Variants in TAB3 observed in about 807,000 individuals in gnomAD.
TAB3 encodes TGF-beta-activated kinase 1 and MAP3K7-binding protein 3.
Under a neutral mutation model 48.1 loss-of-function variants are expected in TAB3, and 18 were observed. The observed-to-expected ratio is 0.37, with a 90% CI of 0.26 to 0.55. The LOEUF (loss-of-function observed/expected upper bound fraction) is 0.55. Among genes scored for constraint, TAB3 ranks in the 20% least tolerant of loss-of-function variants. The probability of loss-of-function intolerance (pLI) is 0.78; values close to 1 mark genes in which losing one functional copy is unlikely to be tolerated. For missense variants in TAB3, 414 were observed against 549.8 expected (o/e 0.75, Z 2.47); for synonymous variants, 185 against 190.2 (o/e 0.97, Z 0.22).
At chrX:30,876,275 T>A (rs888587903) in intron 1 of TAB3, among the ~76,000 whole-genome samples, 1 of 111,975 alleles carries the variant, frequency 8.9e-6, no homozygotes, top group African/African-American at 3.3e-5. Context: ...ACTATCATCC[T>A]TGGTTTCAAA....
At chrX:30,870,485 A>G (rs1375644226) in intron 2 of TAB3, among the ~76,000 whole-genome samples, 2 of 112,377 alleles carry the variant, frequency 1.8e-5, no homozygotes, top group Non-Finnish European at 3.8e-5. Flanking sequence ...CAGTTATAAT[A>G]GAGTGGGGTT....
At chrX:30,856,771 T>C (rs1939091243) in intron 5 of TAB3, among the ~76,000 whole-genome samples, 1 of 111,868 alleles carries the variant, frequency 8.9e-6, no homozygotes, top group Non-Finnish European at 1.9e-5. Flanking sequence ...GAACTCCTAT[T>C]AGAGTTCATC....
intron 9 of TAB3, chrX:30,836,675 T>A (rs1226985874): frequency 1.8e-5 from 2 of 111,089 alleles, no homozygotes; most frequent in African/African-American, 6.6e-5. Context: ...AAACCCTGTC[T>A]CCACAAAAAA....
chrX:30,831,219 C>G lies in TAB3; in HGVS notation c.*208G>C, dbSNP rs1805735035. ...CAGTTTCAAGTATCCCTTTCTATCT[C>G]TCACTCTGTAGTGAGTTAAGAAAGG... is the stretch of plus-strand genomic sequence containing the variant. On this transcript the variant is annotated 3_prime_UTR_variant, in exon 11 of 11. Transcript: ENST00000288422. The G allele has an allele frequency of 2.8e-6, 1 of 350,877 alleles. No individual in the cohort carries two copies. Among genetic ancestry groups the G allele is most frequent in the Admixed American group, 5.0e-5 (1 of 20,077 alleles). 28.9% of individuals were successfully genotyped at this position (350,877 alleles called of 1,213,427 possible).
At chrX:30,839,253 C>T (rs1029657265) in intron 9 of TAB3, among the ~76,000 whole-genome samples, 1 of 111,901 alleles carries the variant, frequency 8.9e-6, no homozygotes. Flanking sequence ...TCTGGTGAAA[C>T]GATCACATGC....
At position 30,854,925 on chromosome X, in the gene TAB3, C is replaced by T. The variant is rs1180691504; in HGVS notation, c.740G>A (p.Ser247Asn). Reference sequence around the variant, plus strand: ...CTGTGGTGAGGACTGCCACGGCGTACTCTGAGGAGTTTGTCTTCCTGATGA... The same window carrying T: ...CTGTGGTGAGGACTGCCACGGCGTATTCTGAGGAGTTTGTCTTCCTGATGA... ...QSSSGRQTPQSTPWQSSPQGP... is the reference protein window; with the variant it reads ...QSSSGRQTPQNTPWQSSPQGP... Residue 247 changes from serine to asparagine, a missense_variant, in exon 6 of 11, where the codon AGT becomes AAT. Physicochemically the swap from Ser to Asn is conservative, Grantham distance 46. Coordinates refer to ENST00000288422, the MANE Select transcript of TAB3 (RefSeq NM_152787.5). The T allele has an allele frequency of 1.7e-6, 2 of 1,209,156 alleles. No homozygotes were observed.
intron 1 of TAB3, among the ~76,000 whole-genome samples, chrX:30,884,599 CAA>C (rs376927653): frequency 7.0e-5 from 5 of 71,330 alleles, no homozygotes; most frequent in African/African-American, 5.1e-5. Context: ...GTTTGGAAAC[CAA>C]AAAAAAAAAA....
chrX:30,844,329 G>A (rs1342332695), intron 8 of TAB3: 1 of 111,895 alleles, frequency 8.9e-6, no homozygotes, highest in Non-Finnish European at 1.9e-5. Context: ...TTCCCTTGCA[G>A]GCCCTTTCAC....
rs549307567 is a variant in TAB3 at position 30,874,450 on chromosome X, C to T, written c.-382-2649G>A. On this transcript the variant is annotated intron_variant, in intron 1 of 10. Coordinates refer to ENST00000288422, the MANE Select transcript of TAB3 (RefSeq NM_152787.5). The stretch of plus-strand genomic sequence containing the variant: ...AGGAGATGAAACTAGTATGGTAAAA[C>T]GTATGTAACTGTAGCATCAGAGGTT... Among the ~76,000 whole-genome samples, 66 of 111,897 alleles carry T rather than the reference C, an allele frequency of 5.9e-4. No homozygotes were observed. The South Asian group carries it at 9.4e-3, about 16-fold the overall frequency.
chrX:30,848,855 G>A (rs1479491637), intron 7 of TAB3, among the ~76,000 whole-genome samples: 1 of 110,045 alleles, frequency 9.1e-6, no homozygotes, highest in Non-Finnish European at 1.9e-5. Flanking sequence ...GTTCTTTGGT[G>A]GCTGGGACTC....
chrX:30,859,837 G>T, intron 4 of TAB3, 159 bp from the exon 5 acceptor site: 2 of 368,129 alleles, frequency 5.4e-6, no homozygotes, highest in Non-Finnish European at 4.6e-6. Context: ...CCTCCACAAT[G>T]CTGCCAAAGC....
At chrX:30,843,444 A>G (rs918310142) in intron 8 of TAB3, 1 of 113,121 alleles carries the variant, frequency 8.8e-6, no homozygotes, top group African/African-American at 3.2e-5. Context: ...GAACACTTAA[A>G]TAATGAAAGC....
Position 30,854,218 on chromosome X carries a change from T to C in TAB3, c.1447A>G (p.Ile483Val). The change falls in exon 6 of 11, where the codon ATT (isoleucine) becomes GTT (valine). Residue 483 changes from isoleucine to valine, a missense_variant. Ile to Val is a conservative substitution (Grantham distance 29, BLOSUM62 3). Coordinates refer to ENST00000288422, the MANE Select transcript of TAB3 (RefSeq NM_152787.5). ...CCTGGTATCACTGAAATGGGCTGAA[T>C]AGGTTCTGGTGCTGCAGAGCGCTCT... ...QEERSAAPEP[I>V]QPISVIPGSG... 1 of 1,211,668 alleles carries C rather than the reference T, an allele frequency of 8.3e-7. No homozygotes were observed. The highest frequency in any genetic ancestry group is 1.1e-6 in the Non-Finnish European group (1 of 895,510).
At chrX:30,833,441 A>G (rs924955415) in intron 10 of TAB3, among the ~76,000 whole-genome samples, 2 of 112,082 alleles carry the variant, frequency 1.8e-5, no homozygotes, top group African/African-American at 6.5e-5. Flanking sequence ...CACATTTCAA[A>G]GACTTAGTAT....
chrX:30,884,712 T>C (rs904366519), intron 1 of TAB3, among the ~76,000 whole-genome samples: 12 of 112,286 alleles, frequency 1.1e-4, no homozygotes, highest in Non-Finnish European at 1.7e-4. Context: ...TTGTTTTTAT[T>C]ACCTTCATAT....
intron 8 of TAB3, chrX:30,846,145 C>T (rs1938614699): frequency 3.9e-5 from 30 of 771,979 alleles, no homozygotes; most frequent in Admixed American, 5.4e-5. Flanking sequence ...TGAAAAATAA[C>T]ATATATAGAG....
intron 10 of TAB3, among the ~76,000 whole-genome samples, chrX:30,832,512 G>C (rs1447994032): frequency 4.5e-5 from 5 of 112,126 alleles, no homozygotes; most frequent in African/African-American, 6.5e-5. Context: ...TTTTTAAATA[G>C]GTAACAAAAG....
intron 5 of TAB3, 112 bp downstream of exon 5, chrX:30,859,375 C>CAT (rs1382573494): frequency 4.9e-5 from 26 of 534,725 alleles, no homozygotes; most frequent in Non-Finnish European, 6.6e-5. Flanking sequence ...CACACACACA[C>CAT]ACACACACAC....
At chrX:30,885,637 C>A (rs768965713) in intron 1 of TAB3, among the ~76,000 whole-genome samples, 59 of 111,468 alleles carry the variant, frequency 5.3e-4, no homozygotes, top group African/African-American at 1.9e-3. Flanking sequence ...GGAAACAGTG[C>A]GAAGATGGCG....
Sources: allele counts gnomAD v4.1 joint callset (sites outside exome capture counted in the v4.1 genomes callset), GRCh38; gene constraint gnomAD v4.1.1; transcripts MANE v1.5; gene names NCBI Gene and HGNC (gene_info 2026-07-23, HGNC 2026-07-21).